The following AUTS2 variants were observed in gnomAD, a reference collection of about 807,000 sequenced individuals.
AUTS2 encodes the protein autism susceptibility gene 2 protein.
A neutral mutation model predicts 112.4 loss-of-function variants in AUTS2; 17 were observed. The observed-to-expected ratio is 0.15, with a 90% CI of 0.10 to 0.23. The LOEUF is 0.23. AUTS2 is among the 10% of genes least tolerant of loss of function. The pLI is 1.00. For missense variants in AUTS2, 1,510 were observed against 1,701.6 expected (o/e 0.89, Z 1.98); for synonymous variants, 751 against 702.7 (o/e 1.07, Z -1.09).
intron 4 of AUTS2, among the ~76,000 whole-genome samples, chr7:70,315,749 C>A (rs1280887594): frequency 6.6e-6 from 1 of 152,214 alleles, no homozygotes; most frequent in Non-Finnish European, 1.5e-5. Flanking sequence ...ATCCGGTCGA[C>A]AATCCATGTC....
At chr7:69,897,585 CA>C (rs1372464590) in intron 1 of AUTS2, among the ~76,000 whole-genome samples, 126 of 96,722 alleles carry the variant, frequency 1.3e-3, no homozygotes, top group African/African-American at 1.7e-3. Flanking sequence ...ACTAAAAATA[CA>C]AAAAAAAAAA....
chr7:69,772,659 C>G, intron 1 of AUTS2, among the ~76,000 whole-genome samples: 1 of 152,190 alleles, frequency 6.6e-6, no homozygotes, highest in East Asian at 1.9e-4. Context: ...GTCTCAAACT[C>G]TTGGTTTCAA....
intron 4 of AUTS2, among the ~76,000 whole-genome samples, chr7:70,346,472 T>C (rs917735751): frequency 1.3e-5 from 2 of 152,128 alleles, no homozygotes; most frequent in Admixed American, 6.6e-5. Context: ...CTTACCTCCA[T>C]TGTGGCTAGT....
Position 70,718,664 on chromosome 7 carries a change from A to AAAAC in AUTS2, c.742+20064_742+20067dup, listed in dbSNP as rs531892370. Among the ~76,000 whole-genome samples, 185 of 152,278 alleles carry AAAAC rather than the reference A, an allele frequency of 1.2e-3. 2 individuals carry two copies. The South Asian group carries it at 0.03, about 25-fold the overall frequency. The stretch of plus-strand genomic sequence containing the variant: ...GGCGACAGGGTAAGACTCCGTCTCA[A>AAAAC]AAACAAACAAACAAACAAACAAAAA... On this transcript the variant is annotated intron_variant, in intron 6 of 18. Transcript: ENST00000342771.
At chr7:69,749,891 AAGG>A (rs1714482700) in intron 1 of AUTS2, among the ~76,000 whole-genome samples, 1 of 152,180 alleles carries the variant, frequency 6.6e-6, no homozygotes, top group African/African-American at 2.4e-5. Flanking sequence ...ACAGACAGAA[AAGG>A]AGAAGGCAGA....
chr7:70,427,763 A>G (rs1382862210), intron 4 of AUTS2, among the ~76,000 whole-genome samples: 2 of 152,118 alleles, frequency 1.3e-5, no homozygotes, highest in African/African-American at 2.4e-5. Context: ...CTGGAGGGGG[A>G]ATAAGAAGTG....
intron 5 of AUTS2, among the ~76,000 whole-genome samples, chr7:70,582,058 C>T (rs760152842): frequency 9.5e-4 from 137 of 144,602 alleles, no homozygotes; most frequent in Non-Finnish European, 1.1e-3. Flanking sequence ...TTTTTTTTAA[C>T]CAGAGATGTT....
intron 6 of AUTS2, among the ~76,000 whole-genome samples, chr7:70,735,530 G>T (rs1488620230): frequency 6.6e-6 from 1 of 152,120 alleles, no homozygotes; most frequent in Non-Finnish European, 1.5e-5. Flanking sequence ...TAAGGACCGC[G>T]AGGAGAGTTT....
At chr7:70,155,431 G>A (rs1419812076) in intron 4 of AUTS2, among the ~76,000 whole-genome samples, 1 of 151,732 alleles carries the variant, frequency 6.6e-6, no homozygotes, top group Admixed American at 6.6e-5. Flanking sequence ...TCAACATACA[G>A]GTGGTAGCAG....
chr7:70,554,380 T>TTTTC (rs1450323649), intron 5 of AUTS2, among the ~76,000 whole-genome samples: 9 of 149,036 alleles, frequency 6.0e-5, no homozygotes, highest in Admixed American at 5.4e-4. Context: ...CTTTTTTTTC[T>TTTTC]TTTCTTTTCT....
intron 5 of AUTS2, among the ~76,000 whole-genome samples, chr7:70,572,880 A>G (rs994754736): frequency 6.6e-6 from 1 of 152,182 alleles, no homozygotes; most frequent in Non-Finnish European, 1.5e-5. Flanking sequence ...CAGTGCTTCT[A>G]AATGTATTTG....
chr7:69,604,257 A>T (rs1490514542), intron 1 of AUTS2, among the ~76,000 whole-genome samples: 1 of 152,260 alleles, frequency 6.6e-6, no homozygotes, highest in Non-Finnish European at 1.5e-5. Context: ...ATGCCATGTT[A>T]ATAGGCTCTC....
At chr7:70,732,906 A>G (rs1787515615) in intron 6 of AUTS2, among the ~76,000 whole-genome samples, 1 of 152,236 alleles carries the variant, frequency 6.6e-6, no homozygotes, top group South Asian at 2.1e-4. Context: ...GATGTGGCAC[A>G]TGTGATCTCC....
intron 1 of AUTS2, among the ~76,000 whole-genome samples, chr7:69,823,770 GAAA>G (rs200157693): frequency 6.7e-6 from 1 of 148,328 alleles, no homozygotes; most frequent in Non-Finnish European, 1.5e-5. Context: ...TTGCTAGGTG[GAAA>G]AAAAAACAAA....
At chr7:70,716,903 G>C (rs1051075506) in intron 6 of AUTS2, among the ~76,000 whole-genome samples, 5 of 151,604 alleles carry the variant, frequency 3.3e-5, no homozygotes, top group African/African-American at 1.2e-4. Context: ...TTATAGAATT[G>C]GGTATATGTC....
chr7:69,790,959 C>T (rs1329009855), intron 1 of AUTS2, among the ~76,000 whole-genome samples: 1 of 152,212 alleles, frequency 6.6e-6, no homozygotes, highest in Non-Finnish European at 1.5e-5. Context: ...CCTCTCTAGC[C>T]TTAATTCCTG....
chr7:69,925,506 A>G (rs1366376179), intron 2 of AUTS2, among the ~76,000 whole-genome samples: 2 of 152,146 alleles, frequency 1.3e-5, no homozygotes, highest in African/African-American at 4.8e-5. Context: ...AAACACTCCA[A>G]ATATTTTAGG....
chr7:69,894,909 T>C (rs1794681331), intron 1 of AUTS2, among the ~76,000 whole-genome samples: 1 of 152,214 alleles, frequency 6.6e-6, no homozygotes, highest in Non-Finnish European at 1.5e-5. Flanking sequence ...CAGTTTCTCT[T>C]GTGAACCACT....
chr7:70,519,705 A>G (rs1352448682), intron 5 of AUTS2, among the ~76,000 whole-genome samples: 3 of 152,188 alleles, frequency 2.0e-5, no homozygotes, highest in Non-Finnish European at 4.4e-5. Context: ...TCTGTATTGG[A>G]TGGAGGAAAT....
Sources: allele counts gnomAD v4.1 joint callset (sites outside exome capture counted in the v4.1 genomes callset), GRCh38; gene constraint gnomAD v4.1.1; transcripts MANE v1.5; gene names NCBI Gene and HGNC (gene_info 2026-07-23, HGNC 2026-07-21).